PCCA: variants seen among roughly 807,000 people sequenced by gnomAD.
PCCA encodes propionyl-CoA carboxylase subunit alpha, also known as propionyl-CoA carboxylase alpha chain, mitochondrial.
PCCA carries 74 observed loss-of-function variants against 101.3 expected under a neutral mutation model. The observed-to-expected ratio is 0.73, with a 90% CI of 0.61 to 0.89. PCCA has a LOEUF of 0.89. Among genes scored for constraint, PCCA ranks in the 40% least tolerant of loss-of-function variants. PCCA has a pLI of 0.00. For synonymous variants in PCCA, 294 were observed against 313.6 expected (o/e 0.94, Z 0.66); for missense variants, 891 against 907.0 (o/e 0.98, Z 0.23).
Position 100,111,796 on chromosome 13 carries a change from T to C in PCCA, c.184-45T>C, listed in dbSNP as rs753228122. The C allele has an allele frequency of 1.1e-5, 16 of 1,429,332 alleles. No individual in the cohort carries two copies. The African/African-American group carries it at 2.1e-4, about 19-fold the overall frequency. 88.5% of individuals were successfully genotyped at this position (1,429,332 alleles called of 1,614,324 possible). ...GTGTTTTTTGGTCTTAAACCATCGG[T>C]TTAAAAGTAACAATTTCTAATGAAT... is the stretch of plus-strand genomic sequence containing the variant. On this transcript the variant is annotated intron_variant, in intron 2 of 23. Transcript: ENST00000376285.
At chr13:100,393,765 GA>G (rs201971257) in intron 19 of PCCA, among the ~76,000 whole-genome samples, 2,068 of 151,964 alleles carry the variant, frequency 0.014, 49 homozygotes, top group African/African-American at 0.048. Context: ...TGTTTATAAG[GA>G]AAAAAAGTTA....
chr13:100,225,404 C>G (rs749418544), intron 7 of PCCA, among the ~76,000 whole-genome samples: 2 of 152,184 alleles, frequency 1.3e-5, no homozygotes, highest in Non-Finnish European at 2.9e-5. Flanking sequence ...GTTTACACCA[C>G]AGAACAGAGT....
At chr13:100,374,854 GTC>G (rs1434305688) in intron 19 of PCCA, among the ~76,000 whole-genome samples, 1 of 152,116 alleles carries the variant, frequency 6.6e-6, no homozygotes, top group Non-Finnish European at 1.5e-5. Flanking sequence ...GGTTTTTCGT[GTC>G]TCTGTCTCCT....
At chr13:100,500,885 T>C (rs2085614545) in intron 21 of PCCA, among the ~76,000 whole-genome samples, 1 of 152,244 alleles carries the variant, frequency 6.6e-6, no homozygotes, top group Non-Finnish European at 1.5e-5. Flanking sequence ...GGCTCACGCC[T>C]GTAATCCCAG....
In PCCA at chr13:100,340,850, T is replaced by G. The variant is rs1323476803; in HGVS notation, c.1643+591T>G. 3.3e-5 allele frequency among the ~76,000 whole-genome samples: 5 copies of G among 152,222 alleles called. No homozygotes were observed. The East Asian group carries it at 9.6e-4, about 29-fold the overall frequency. ...TGTTTACTTGCTGGAGCAATCCCTT[T>G]AAAGGAATCATGCTGTTGATAAATT... On this transcript the variant is annotated intron_variant, in intron 18 of 23. Transcript: ENST00000376285.
At chr13:100,436,273 C>G (rs1466553313) in intron 20 of PCCA, among the ~76,000 whole-genome samples, 1 of 152,202 alleles carries the variant, frequency 6.6e-6, no homozygotes, top group African/African-American at 2.4e-5. Context: ...ACAAAGGTCA[C>G]ACTCCTGTGC....
chr13:100,521,322 G>A (rs1363607010), intron 22 of PCCA, among the ~76,000 whole-genome samples: 1 of 152,208 alleles, frequency 6.6e-6, no homozygotes, highest in East Asian at 1.9e-4. Context: ...CTGAAGTCCC[G>A]AGCCGGCAGC....
intron 2 of PCCA, 75 bp downstream of exon 2, chr13:100,103,035 T>G: frequency 1.1e-6 from 1 of 933,938 alleles, no homozygotes; most frequent in Non-Finnish European, 1.7e-6. Context: ...CCACACTGTG[T>G]TCAGTGGACA....
intron 21 of PCCA, among the ~76,000 whole-genome samples, chr13:100,451,715 CCTCTCTCTCT>C (rs71114697): frequency 3.1e-5 from 3 of 95,986 alleles, no homozygotes; most frequent in Admixed American, 2.0e-4. Context: ...TCTCCTCTCT[CCTCTCTCTCT>C]CTCTCTCTCT....
chr13:100,491,589 G>C (rs1022859219), intron 21 of PCCA: 2 of 1,059,306 alleles, frequency 1.9e-6, no homozygotes, highest in Middle Eastern at 2.4e-4. Context: ...CCTTGGGATA[G>C]AGGTTAACTC....
At position 100,292,592 on chromosome 13, in the gene PCCA, T is replaced by A. The variant is rs1017017421; in HGVS notation, c.1066-8868T>A. Among the ~76,000 whole-genome samples the A allele has an allele frequency of 3.9e-5, 6 of 152,206 alleles. No individual in the cohort carries two copies. The East Asian group carries it at 1.2e-3, about 29-fold the overall frequency. On this transcript the variant is annotated intron_variant, in intron 12 of 23. Coordinates refer to ENST00000376285, the MANE Select transcript of PCCA (RefSeq NM_000282.4). ...GTTGACATTTTTACTCTTACTGTTG[T>A]CATTATTATTAACATTATTGCTATT...
At chr13:100,223,728 A>C (rs1290712644) in intron 7 of PCCA, among the ~76,000 whole-genome samples, 2 of 152,026 alleles carry the variant, frequency 1.3e-5, no homozygotes, top group Admixed American at 6.5e-5. Flanking sequence ...GTCTGTTTTG[A>C]CAGGGCACTG....
At chr13:100,127,857 A>C (rs1173548661) in intron 4 of PCCA, among the ~76,000 whole-genome samples, 1 of 152,178 alleles carries the variant, frequency 6.6e-6, no homozygotes, top group Non-Finnish European at 1.5e-5. Context: ...GCGCCACTGC[A>C]CTTCAGCCTG....
At chr13:100,340,931 A>C (rs890412678) in intron 18 of PCCA, among the ~76,000 whole-genome samples, 1 of 152,072 alleles carries the variant, frequency 6.6e-6, no homozygotes, top group Admixed American at 6.6e-5. Flanking sequence ...ACAAAGTTTA[A>C]AAAAAAGAAA....
chr13:100,442,391 T>C (rs996882245), intron 20 of PCCA, among the ~76,000 whole-genome samples: 1 of 152,260 alleles, frequency 6.6e-6, no homozygotes, highest in African/African-American at 2.4e-5. Flanking sequence ...TTAAATTGAA[T>C]GCAATGTTAA....
intron 16 of PCCA, among the ~76,000 whole-genome samples, chr13:100,323,203 T>C (rs1380088852): frequency 6.6e-6 from 1 of 152,238 alleles, no homozygotes; most frequent in Non-Finnish European, 1.5e-5. Context: ...TTTACAAAAA[T>C]AGGTAGGAGG....
At chr13:100,341,486 T>G (rs2071305019) in intron 18 of PCCA, among the ~76,000 whole-genome samples, 1 of 152,128 alleles carries the variant, frequency 6.6e-6, no homozygotes, top group African/African-American at 2.4e-5. Context: ...AATGGAAGAA[T>G]CCTTTTCAAA....
chr13:100,427,563 G>A (rs1041317671), intron 20 of PCCA, among the ~76,000 whole-genome samples: 3 of 151,910 alleles, frequency 2.0e-5, no homozygotes, highest in African/African-American at 7.3e-5. Context: ...TTTTAATCCT[G>A]TAAGTACTTT....
intron 21 of PCCA, among the ~76,000 whole-genome samples, chr13:100,474,474 C>A (rs1031477869): frequency 6.6e-6 from 1 of 151,360 alleles, no homozygotes; most frequent in Non-Finnish European, 1.5e-5. Context: ...CTCTCTGTCT[C>A]TGTCTCTGTC....
Sources: gnomAD v4.1 joint callset for allele counts (sites outside exome capture counted in the v4.1 genomes callset) on GRCh38, gnomAD v4.1.1 for gene constraint, MANE v1.5 for transcripts, NCBI Gene and HGNC (gene_info 2026-07-23, HGNC 2026-07-21) for gene names.